SRGAP2B: variants seen among roughly 807,000 people sequenced by gnomAD.
SRGAP2B encodes the protein SLIT-ROBO Rho GTPase activating protein 2B.
Under a neutral mutation model 22.2 loss-of-function variants are expected in SRGAP2B, and 9 were observed. The ratio of observed to expected loss-of-function variants is 0.41; its 90% confidence interval spans 0.24 to 0.71. The LOEUF (loss-of-function observed/expected upper bound fraction) is 0.71. Among genes scored for constraint, SRGAP2B ranks in the 30% least tolerant of loss-of-function variants. The probability of loss-of-function intolerance (pLI) is 0.35; values close to 1 mark genes in which losing one functional copy is unlikely to be tolerated. For missense variants in SRGAP2B, 114 were observed against 235.8 expected (o/e 0.48, Z 3.38); for synonymous variants, 36 against 87.4 (o/e 0.41, Z 3.28).
intron 3 of SRGAP2B, among the ~76,000 whole-genome samples, chr1:144,972,254 ACT>A (rs1474911011): frequency 7.9e-6 from 1 of 127,378 alleles, no homozygotes; most frequent in Non-Finnish European, 1.6e-5. Context: ...CAGTTCCTTC[ACT>A]CTCTCTATTC....
chr1:145,016,554 A>T (rs1237449664), intron 2 of SRGAP2B, among the ~76,000 whole-genome samples: 1 of 53,942 alleles, frequency 1.9e-5, no homozygotes, highest in Non-Finnish European at 3.6e-5. Context: ...GTCAGCTAGC[A>T]GTAAGAAACA....
At chr1:145,070,023 G>A (rs1164324753) in intron 2 of SRGAP2B, among the ~76,000 whole-genome samples, 1 of 149,474 alleles carries the variant, frequency 6.7e-6, no homozygotes, top group Non-Finnish European at 1.5e-5. Context: ...TGGTTGAGAA[G>A]GAATGTCATC....
In SRGAP2B at chr1:144,906,134, T is replaced by C. The variant is rs1259772675; in HGVS notation, c.487-60A>G. ...CAAGCCAAGGGTGTCATTTCTCTGC[T>C]TTACAGACTAACAGACTCAGCTGGA... On this transcript the variant is annotated intron_variant, in intron 5 of 9. Transcript: ENST00000612199. The C allele has an allele frequency of 3.5e-5, 25 of 708,480 alleles. 1 individual carries two copies. Among genetic ancestry groups the C allele is most frequent in the Non-Finnish European group, 5.7e-5 (22 of 383,630 alleles). The allele number at this position is 708,480 out of a possible 1,614,324, so 43.9% of individuals were successfully genotyped here.
At chr1:144,910,765 T>C (rs1214661162) in intron 5 of SRGAP2B, among the ~76,000 whole-genome samples, 1 of 62,802 alleles carries the variant, frequency 1.6e-5, no homozygotes, top group Non-Finnish European at 3.0e-5. Flanking sequence ...TGGGAAGCAG[T>C]GTGTTCTGAC....
intron 3 of SRGAP2B, among the ~76,000 whole-genome samples, chr1:144,971,135 T>C (rs1668483494): frequency 6.7e-6 from 1 of 149,078 alleles, no homozygotes; most frequent in African/African-American, 2.5e-5. Context: ...CACTTCCTTT[T>C]TTTTTTTTTT....
chr1:145,063,084 G>A (rs1447122480), intron 2 of SRGAP2B, among the ~76,000 whole-genome samples: 1 of 147,924 alleles, frequency 6.8e-6, no homozygotes, highest in Non-Finnish European at 1.5e-5. Flanking sequence ...ACCCAAATGT[G>A]TGATTTCAAA....
intron 3 of SRGAP2B, among the ~76,000 whole-genome samples, chr1:144,970,367 A>T (rs1553613039): frequency 9.0e-6 from 1 of 111,376 alleles, no homozygotes. Context: ...TGAAATTGGA[A>T]ACCATCATTC....
intron 3 of SRGAP2B, among the ~76,000 whole-genome samples, chr1:144,993,031 G>A (rs1372268271): frequency 2.6e-5 from 4 of 151,562 alleles, no homozygotes; most frequent in Admixed American, 2.0e-4. Context: ...GGAACAGGGA[G>A]CACCTGAGAT....
intron 4 of SRGAP2B, among the ~76,000 whole-genome samples, chr1:144,941,192 GA>G (rs587700882): frequency 7.7e-4 from 110 of 141,960 alleles, no homozygotes; most frequent in African/African-American, 2.9e-3. Context: ...TTTAACAATT[GA>G]AAAAACCCTA....
In SRGAP2B at chr1:144,942,442, C is replaced by T. The variant is rs587691721; in HGVS notation, c.423+12997G>A. ...TTATTTATTTATTTATTTTTTGAGTCGGAGTTTTGCTCTGTCACCCATGCT... is the reference window on the plus strand; with the variant it reads ...TTATTTATTTATTTATTTTTTGAGTTGGAGTTTTGCTCTGTCACCCATGCT... On this transcript the variant is annotated intron_variant, in intron 4 of 9. Coordinates refer to ENST00000612199, the Ensembl canonical transcript of SRGAP2B. Among the ~76,000 whole-genome samples, 10 of 148,200 alleles carry T rather than the reference C, an allele frequency of 6.7e-5. No individual in the cohort carries two copies. The South Asian group carries it at 1.9e-3, about 28-fold the overall frequency.
intron 2 of SRGAP2B, among the ~76,000 whole-genome samples, chr1:145,063,678 T>G (rs1180730066): frequency 6.7e-6 from 1 of 149,056 alleles, no homozygotes; most frequent in Non-Finnish European, 1.5e-5. Context: ...GCTTCCCAGC[T>G]GCAACAGCTC....
intron 2 of SRGAP2B, among the ~76,000 whole-genome samples, chr1:145,031,720 G>A (rs1307145080): frequency 7.6e-5 from 11 of 145,288 alleles, no homozygotes; most frequent in South Asian, 6.5e-4. Context: ...GGTGGTGGGC[G>A]CCTGTAGTCC....
chr1:144,975,437 A>T lies in SRGAP2B; in HGVS notation c.260+19571T>A, dbSNP rs1345140612. 1.5e-4 allele frequency among the ~76,000 whole-genome samples: 22 copies of T among 148,812 alleles called. 1 individual carries two copies. Among genetic ancestry groups the T allele is most frequent in the Admixed American group, 2.0e-4 (3 of 15,036 alleles). Reference sequence around the variant, plus strand: ...GGAAGAATCCTTCATGAATAAGATTAATATTCTCATGGAAATGAGTTCTCA... The same window carrying T: ...GGAAGAATCCTTCATGAATAAGATTTATATTCTCATGGAAATGAGTTCTCA... On this transcript the variant is annotated intron_variant, in intron 3 of 9. Coordinates refer to ENST00000612199, the Ensembl canonical transcript of SRGAP2B.
intron 2 of SRGAP2B, among the ~76,000 whole-genome samples, chr1:145,045,279 G>C: frequency 8.2e-6 from 1 of 121,404 alleles, no homozygotes; most frequent in South Asian, 3.1e-4. Context: ...CCTGGGGGAC[G>C]GAGCGAGACT....
intron 3 of SRGAP2B, among the ~76,000 whole-genome samples, chr1:144,975,868 CTTTTTTTTTT>C (rs56268353): frequency 1.8e-4 from 5 of 27,346 alleles, no homozygotes; most frequent in African/African-American, 4.3e-4. Context: ...GTTAGTAATT[CTTTTTTTTTT>C]TTTTTTTTTT....
intron 2 of SRGAP2B, among the ~76,000 whole-genome samples, chr1:145,061,749 G>C (rs1231005452): frequency 6.8e-6 from 1 of 146,090 alleles, no homozygotes; most frequent in Admixed American, 6.8e-5. Context: ...CACCCACCTA[G>C]CTAATTTTTG....
At chr1:145,012,482 T>C (rs1178796867) in intron 2 of SRGAP2B, among the ~76,000 whole-genome samples, 1 of 136,598 alleles carries the variant, frequency 7.3e-6, no homozygotes, top group Non-Finnish European at 1.6e-5. Flanking sequence ...ATGCATTATC[T>C]AGTCACCTCT....
At chr1:144,945,646 AG>A (rs1558769709) in intron 4 of SRGAP2B, among the ~76,000 whole-genome samples, 4 of 150,214 alleles carry the variant, frequency 2.7e-5, no homozygotes, top group Non-Finnish European at 5.9e-5. Flanking sequence ...ATTACATACA[AG>A]TAAGCAATAA....
chr1:144,926,944 T>A (rs1389139922), intron 4 of SRGAP2B, among the ~76,000 whole-genome samples: 3 of 48,694 alleles, frequency 6.2e-5, no homozygotes, highest in Admixed American at 2.4e-4. Context: ...AGATCTATAT[T>A]TTTTTTCTTT....
Sources: allele counts gnomAD v4.1 joint callset (sites outside exome capture counted in the v4.1 genomes callset), GRCh38; gene constraint gnomAD v4.1.1; transcripts MANE v1.5; gene names NCBI Gene and HGNC (gene_info 2026-07-23, HGNC 2026-07-21).